The following NAA15 variants were observed in gnomAD, a reference collection of about 807,000 sequenced individuals.
NAA15 encodes N-alpha-acetyltransferase 15, NatA auxiliary subunit.
A neutral mutation model predicts 114.0 loss-of-function variants in NAA15; 34 were observed. The observed-to-expected ratio is 0.30, with a 90% CI of 0.23 to 0.40. The LOEUF (loss-of-function observed/expected upper bound fraction) is 0.40, where lower values mean the gene tolerates loss of function less well. Ranked by LOEUF, NAA15 falls within the 10% of genes least tolerant of loss-of-function variation. The pLI is 1.00. For synonymous variants in NAA15, 340 were observed against 338.0 expected (o/e 1.01, Z -0.06); for missense variants, 658 against 1,004.5 (o/e 0.66, Z 4.66).
intron 10 of NAA15, among the ~76,000 whole-genome samples, chr4:139,355,909 A>T (rs1263671649): frequency 6.6e-6 from 1 of 152,226 alleles, no homozygotes; most frequent in Non-Finnish European, 1.5e-5. Context: ...TTATTTTAAA[A>T]GAGAAAATTT....
At chr4:139,371,331 T>C (rs1261543366) in intron 15 of NAA15, among the ~76,000 whole-genome samples, 2 of 152,068 alleles carry the variant, frequency 1.3e-5, no homozygotes, top group Non-Finnish European at 2.9e-5. Flanking sequence ...GCCATGTGCC[T>C]ATAGTTCCAA....
chr4:139,342,802 G>A (rs1469642778), intron 4 of NAA15, 24 bp from the exon 5 acceptor site: 2 of 1,599,250 alleles, frequency 1.3e-6, no homozygotes, highest in Admixed American at 1.8e-5. Context: ...CTAAGAAAAA[G>A]TGTTTATTTT....
intron 14 of NAA15, among the ~76,000 whole-genome samples, chr4:139,364,693 G>A (rs2110965769): frequency 6.6e-6 from 1 of 152,300 alleles, no homozygotes; most frequent in Non-Finnish European, 1.5e-5. Context: ...CTGTTGTTAT[G>A]ATCCATTTTT....
chr4:139,318,647 A>G lies in NAA15; in HGVS notation c.55-15527A>G, dbSNP rs974015667. ...GGTGTGCTGATTGCCTGAGGTCAGG[A>G]GTTCAAGACCAGCCTGGCCAACACA... On this transcript the variant is annotated intron_variant, in intron 1 of 19. Coordinates refer to ENST00000296543, the MANE Select transcript of NAA15 (RefSeq NM_057175.5). Among the ~76,000 whole-genome samples the G allele has an allele frequency of 1.9e-4, 29 of 152,150 alleles. 1 individual carries two copies. Among genetic ancestry groups the G allele is most frequent in the Non-Finnish European group, 8.8e-5 (6 of 68,026 alleles).
chr4:139,309,303 G>A (rs1224941667), intron 1 of NAA15, among the ~76,000 whole-genome samples: 1 of 150,832 alleles, frequency 6.6e-6, no homozygotes, highest in African/African-American at 2.4e-5. Flanking sequence ...AGCCGAGATC[G>A]CGCCATTGCT....
intron 19 of NAA15, 122 bp from the exon 20 acceptor site, chr4:139,387,762 A>C: frequency 1.3e-6 from 1 of 747,740 alleles, no homozygotes; most frequent in East Asian, 2.6e-5. Flanking sequence ...TGCAGGAGTA[A>C]ATAGCTAAAT....
At chr4:139,387,596 T>A (rs1265160868) in intron 19 of NAA15, among the ~76,000 whole-genome samples, 1 of 152,142 alleles carries the variant, frequency 6.6e-6, no homozygotes, top group East Asian at 1.9e-4. Flanking sequence ...TGAGAGTGAG[T>A]GGCTTTTTAA....
At chr4:139,346,555 T>A (rs932676047) in intron 6 of NAA15, among the ~76,000 whole-genome samples, 7 of 137,766 alleles carry the variant, frequency 5.1e-5, no homozygotes, top group Non-Finnish European at 9.6e-5. Context: ...AAAAAAAAAA[T>A]TTTTTTTTTT....
intron 13 of NAA15, among the ~76,000 whole-genome samples, 160 bp downstream of exon 13, chr4:139,360,788 C>T (rs1748109385): frequency 6.6e-6 from 1 of 152,078 alleles, no homozygotes; most frequent in Non-Finnish European, 1.5e-5. Context: ...ATATAGACTG[C>T]ATTTTCAGCC....
rs1749049950 is a variant in NAA15, at chr4:139,391,235, A to G, written c.*3151A>G. 1 of 152,172 alleles carries G rather than the reference A, an allele frequency of 6.6e-6. No homozygotes were observed. The highest frequency in any genetic ancestry group is 2.1e-4 in the South Asian group (1 of 4,830). The allele number at this position is 152,172 out of a possible 1,614,324, so 9.4% of individuals were successfully genotyped here. ...ATGATACCATTCTGCTATCATCTAA[A>G]CTTTGCTGAACTCTACTGCCAACCT... On this transcript the variant is annotated 3_prime_UTR_variant, in exon 20 of 20. Coordinates refer to ENST00000296543, the MANE Select transcript of NAA15 (RefSeq NM_057175.5).
At chr4:139,329,386 A>G (rs910713158) in intron 1 of NAA15, among the ~76,000 whole-genome samples, 5 of 152,028 alleles carry the variant, frequency 3.3e-5, no homozygotes, top group Admixed American at 6.6e-5. Context: ...GATATTTTCT[A>G]TTGGATGTTA....
chr4:139,329,834 G>A (rs1746940735), intron 1 of NAA15, among the ~76,000 whole-genome samples: 1 of 152,106 alleles, frequency 6.6e-6, no homozygotes, highest in African/African-American at 2.4e-5. Flanking sequence ...GAGTGCCTCA[G>A]CCTCGTTGAA....
Position 139,388,166 on chromosome 4 carries a change from T to A in NAA15, c.*82T>A, listed in dbSNP as rs931135234. Reference sequence around the variant, plus strand: ...TTGTCACGCACCTGCTGCATTGCTCTAACTTACACAGAATGAGAGGAGTAA... The same window carrying A: ...TTGTCACGCACCTGCTGCATTGCTCAAACTTACACAGAATGAGAGGAGTAA... On this transcript the variant is annotated 3_prime_UTR_variant, in exon 20 of 20. Coordinates refer to ENST00000296543, the MANE Select transcript of NAA15 (RefSeq NM_057175.5). 2 of 1,139,244 alleles carry A rather than the reference T, an allele frequency of 1.8e-6. No individual in the cohort carries two copies. Among genetic ancestry groups the A allele is most frequent in the African/African-American group, 3.1e-5 (2 of 63,706 alleles). The allele number at this position is 1,139,244 out of a possible 1,614,324, so 70.6% of individuals were successfully genotyped here. A position where few individuals can be genotyped will look rare whatever the true frequency, so the allele number is the denominator to read the frequency against.
chr4:139,340,470 A>G (rs904454267), intron 3 of NAA15, among the ~76,000 whole-genome samples: 5 of 152,222 alleles, frequency 3.3e-5, no homozygotes, highest in Non-Finnish European at 7.3e-5. Flanking sequence ...ATGACTTTAC[A>G]TAACTGGATT....
chr4:139,351,848 G>A (rs963473759), intron 9 of NAA15, among the ~76,000 whole-genome samples: 1 of 151,592 alleles, frequency 6.6e-6, no homozygotes, highest in Non-Finnish European at 1.5e-5. Flanking sequence ...AACTTTTAAT[G>A]AGTCACTGTA....
chr4:139,323,028 G>A (rs1037889682), intron 1 of NAA15, among the ~76,000 whole-genome samples: 3 of 149,898 alleles, frequency 2.0e-5, no homozygotes, highest in African/African-American at 4.9e-5. Flanking sequence ...GGATTCCTGT[G>A]GCAGATTTCT....
intron 18 of NAA15, among the ~76,000 whole-genome samples, 189 bp from the exon 19 acceptor site, chr4:139,385,944 G>T (rs918785516): frequency 4.6e-5 from 7 of 152,024 alleles, no homozygotes; most frequent in African/African-American, 7.3e-5. Flanking sequence ...TCTTTCTTTG[G>T]ATGGTTAAGC....
intron 1 of NAA15, among the ~76,000 whole-genome samples, chr4:139,321,638 ATT>A (rs35673045): frequency 6.3e-4 from 84 of 132,496 alleles, no homozygotes; most frequent in South Asian, 7.4e-4. Flanking sequence ...CGCCTGGCTA[ATT>A]TTTTTTTTTT....
intron 3 of NAA15, among the ~76,000 whole-genome samples, chr4:139,337,423 G>C (rs540926762): frequency 2.6e-5 from 4 of 152,266 alleles, no homozygotes; most frequent in African/African-American, 9.6e-5. Context: ...ACCCATTTCA[G>C]CTTCTTTCTG....
Sources: gnomAD v4.1 joint callset for allele counts (sites outside exome capture counted in the v4.1 genomes callset) on GRCh38, gnomAD v4.1.1 for gene constraint, MANE v1.5 for transcripts, NCBI Gene and HGNC (gene_info 2026-07-23, HGNC 2026-07-21) for gene names.